DIPK1A: variants seen among roughly 807,000 people sequenced by gnomAD.
The protein encoded by DIPK1A is divergent protein kinase domain 1A, also known as family with sequence similarity 69 member A.
DIPK1A carries 27 observed loss-of-function variants against 40.8 expected under a neutral mutation model. The observed-to-expected ratio is 0.66, with a 90% CI of 0.49 to 0.91. DIPK1A has a LOEUF of 0.91. Ranked by LOEUF, DIPK1A falls within the 40% of genes least tolerant of loss-of-function variation. The pLI is 0.00. For synonymous variants in DIPK1A, 166 were observed against 171.3 expected, an observed-to-expected ratio of 0.97 and a Z score of 0.24; for missense variants, 412 against 505.7, an observed-to-expected ratio of 0.81 and a Z score of 1.78.
At chr1:92,909,535 T>C (rs1248254935) in intron 1 of DIPK1A, among the ~76,000 whole-genome samples, 2 of 152,104 alleles carry the variant, frequency 1.3e-5, no homozygotes, top group African/African-American at 2.4e-5. Flanking sequence ...AGGAAGGAGT[T>C]GGGAGATGCT....
chr1:92,897,233 T>G (rs1018101314), intron 1 of DIPK1A, among the ~76,000 whole-genome samples: 1 of 152,178 alleles, frequency 6.6e-6, no homozygotes, highest in African/African-American at 2.4e-5. Flanking sequence ...CTATTCACAA[T>G]AGCAAAGACT....
At chr1:92,857,272 G>C (rs1688016713) in intron 2 of DIPK1A, among the ~76,000 whole-genome samples, 1 of 151,126 alleles carries the variant, frequency 6.6e-6, no homozygotes, top group Admixed American at 6.6e-5. Context: ...TATGGCAAAA[G>C]GTTAAGATTT....
At chr1:92,959,902 A>ATTTTTTTTTTTTTTTTTTT (rs1557502636) in intron 1 of DIPK1A, among the ~76,000 whole-genome samples, 840 of 43,064 alleles carry the variant, frequency 0.02, 97 homozygotes, top group Non-Finnish European at 0.023. Flanking sequence ...CACCCAACCA[A>ATTTTTTTTTTTTTTTTTTT]CTTTTTTTTT....
intron 1 of DIPK1A, among the ~76,000 whole-genome samples, chr1:92,938,885 T>C (rs1234977474): frequency 1.3e-5 from 2 of 152,222 alleles, no homozygotes; most frequent in African/African-American, 4.8e-5. Context: ...AGTTGGATAA[T>C]GTCAGAATTC....
downstream of DIPK1A, chr1:92,840,812 C>T (rs1323561491): frequency 1.4e-6 from 1 of 726,898 alleles, no homozygotes; most frequent in East Asian, 2.6e-5. Context: ...GTGTTAGCCT[C>T]AGACACTACT....
downstream of DIPK1A, chr1:92,842,111 G>C (rs1237226394): frequency 2.5e-6 from 2 of 813,516 alleles, no homozygotes; most frequent in African/African-American, 1.8e-5. Flanking sequence ...TATGTTGTAT[G>C]ATGAACAGCT....
At chr1:92,869,148 T>C (rs1276645187) in intron 2 of DIPK1A, among the ~76,000 whole-genome samples, 1 of 78,728 alleles carries the variant, frequency 1.3e-5, no homozygotes, top group African/African-American at 5.6e-5. Context: ...AAATAAATAT[T>C]ACACTATTAT....
chr1:92,919,348 T>C (rs1650185542), intron 1 of DIPK1A, among the ~76,000 whole-genome samples: 1 of 152,240 alleles, frequency 6.6e-6, no homozygotes, highest in South Asian at 2.1e-4. Context: ...TCACCACCGC[T>C]TGTATCATCA....
rs1277051382 is a variant in DIPK1A, at chr1:92,843,769, C to T, written c.901G>A (p.Gly301Arg). The T allele has an allele frequency of 1.7e-5, 27 of 1,551,812 alleles. No individual in the cohort carries two copies. Among genetic ancestry groups the T allele is most frequent in the Non-Finnish European group, 2.4e-5 (27 of 1,147,020 alleles). ...LMCDTSAKNLGYNDKYDLKMV... is the reference protein window; with the variant it reads ...LMCDTSAKNLRYNDKYDLKMV... ...TTCAAATCATACTTATCATTATATC[C>T]TAGGTTTTTGGCACTAGTATCGCAC... The change falls in exon 5 of 5, where the codon GGA becomes AGA. Residue 301 changes from glycine to arginine, a missense_variant. Coordinates refer to ENST00000370310, the MANE Select transcript of DIPK1A (RefSeq NM_001006605.5).
chr1:92,877,255 A>G (rs1365198955), intron 1 of DIPK1A: 1 of 417,588 alleles, frequency 2.4e-6, no homozygotes, highest in Non-Finnish European at 3.2e-6. Context: ...GTGACACTTG[A>G]TCAAGACTAT....
At chr1:92,926,773 T>C (rs1443145714) in intron 1 of DIPK1A, among the ~76,000 whole-genome samples, 1 of 152,264 alleles carries the variant, frequency 6.6e-6, no homozygotes, top group Non-Finnish European at 1.5e-5. Context: ...TCTCTGGTAG[T>C]ACTCCTTGAA....
At chr1:92,854,222 C>G (rs1687913962) in intron 2 of DIPK1A, among the ~76,000 whole-genome samples, 1 of 152,154 alleles carries the variant, frequency 6.6e-6, no homozygotes, top group African/African-American at 2.4e-5. Context: ...ATAGTAGGTG[C>G]TTCTTATGTG....
At chr1:92,834,230 AGTTGT>A (rs1687029948) in intron 4 of DIPK1A, among the ~76,000 whole-genome samples, 2 of 152,354 alleles carry the variant, frequency 1.3e-5, no homozygotes, top group Admixed American at 1.3e-4. Context: ...CTGAAAAGGT[AGTTGT>A]GAATTAAACA....
At chr1:92,869,714 A>G (rs1647739752) in intron 2 of DIPK1A, among the ~76,000 whole-genome samples, 1 of 151,720 alleles carries the variant, frequency 6.6e-6, no homozygotes, top group Admixed American at 6.6e-5. Context: ...GTGTTTACTA[A>G]GCATGACTTT....
intron 2 of DIPK1A, among the ~76,000 whole-genome samples, chr1:92,851,948 C>T (rs1687839558): frequency 6.6e-6 from 1 of 152,158 alleles, no homozygotes; most frequent in African/African-American, 2.4e-5. Flanking sequence ...TAAGACAGGC[C>T]TGAATGATAA....
chr1:92,883,272 C>G (rs1187662680), intron 1 of DIPK1A, among the ~76,000 whole-genome samples: 2 of 152,188 alleles, frequency 1.3e-5, no homozygotes, highest in Non-Finnish European at 2.9e-5. Flanking sequence ...GATGCAACCT[C>G]TACTAGCAAT....
At chr1:92,945,908 A>C (rs1651343365) in intron 1 of DIPK1A, among the ~76,000 whole-genome samples, 1 of 152,252 alleles carries the variant, frequency 6.6e-6, no homozygotes, top group South Asian at 2.1e-4. Flanking sequence ...CAGTGATTTC[A>C]AATCATAATT....
At chr1:92,933,442 T>C (rs1371884398) in intron 1 of DIPK1A, 1 of 152,238 alleles carries the variant, frequency 6.6e-6, no homozygotes, top group Non-Finnish European at 1.5e-5. Context: ...TTCCCATCTA[T>C]AATCTCAACA....
At position 92,863,914 on chromosome 1, in the gene DIPK1A, G is replaced by A. The variant is rs374276571; in HGVS notation, c.189+12382C>T. Among the ~76,000 whole-genome samples, 469 of 152,132 alleles carry A rather than the reference G, an allele frequency of 3.1e-3. 3 individuals are homozygous for A. The highest frequency in any genetic ancestry group is 0.01 in the African/African-American group (433 of 41,518). The stretch of plus-strand genomic sequence containing the variant: ...TACTAAAAATACAAAAAAATTAGCC[G>A]GGTGTGGTGGCCCATGCCTGTAATC... On this transcript the variant is annotated intron_variant, in intron 2 of 4. Transcript: ENST00000370310.
Sources: allele counts gnomAD v4.1 joint callset (sites outside exome capture counted in the v4.1 genomes callset), GRCh38; gene constraint gnomAD v4.1.1; transcripts MANE v1.5; gene names NCBI Gene and HGNC (gene_info 2026-07-23, HGNC 2026-07-21).